Variants in VPS13D observed in about 807,000 individuals in gnomAD.
VPS13D encodes the protein intermembrane lipid transfer protein VPS13D.
In VPS13D, 187 loss-of-function variants were observed where a neutral mutation model predicts 461.9. That is an observed-to-expected ratio of 0.40 (90% CI 0.36 to 0.46). VPS13D has a LOEUF of 0.46. Among genes scored for constraint, VPS13D ranks in the 20% least tolerant of loss-of-function variants. The probability of loss-of-function intolerance (pLI) is 0.60; values close to 1 mark genes in which losing one functional copy is unlikely to be tolerated. For missense variants in VPS13D, 4,711 were observed against 5,364.9 expected (o/e 0.88, Z 3.81); for synonymous variants, 1,951 against 1,986.3 (o/e 0.98, Z 0.47).
chr1:12,244,145 C>G, intron 3 of VPS13D, 101 bp from the exon 4 acceptor site: 1 of 1,228,842 alleles, frequency 8.1e-7, no homozygotes, highest in Non-Finnish European at 1.1e-6. Flanking sequence ...AAAGTAGTAA[C>G]AGCAATCCAT....
intron 13 of VPS13D, among the ~76,000 whole-genome samples, chr1:12,263,882 T>G (rs1406099768): frequency 2.0e-5 from 3 of 152,220 alleles, no homozygotes; most frequent in African/African-American, 7.2e-5. Context: ...GCACACTTGA[T>G]TTTATTGCAC....
rs369358125 is a variant in VPS13D at position 12,349,198 on chromosome 1, T to C, written c.9255T>C (p.Asp3085=). The change falls in exon 46 of 70, where the codon GAT becomes GAC. Residue 3085 remains aspartate, a synonymous_variant. Transcript: ENST00000620676. ...PVVLPAIMPG[D]SFAVPLHLTS... ...TGCTTCCTGCTATCATGCCAGGGGATTCGTTTGCTGTGCCTTTACACCTCA... is the reference window on the plus strand; with the variant it reads ...TGCTTCCTGCTATCATGCCAGGGGACTCGTTTGCTGTGCCTTTACACCTCA... The C allele has an allele frequency of 1.2e-6, 2 of 1,613,960 alleles. No individual in the cohort carries two copies. The highest frequency in any genetic ancestry group is 2.7e-5 in the African/African-American group (2 of 74,936).
chr1:12,280,144 T>G (rs1376885539), intron 20 of VPS13D, among the ~76,000 whole-genome samples: 5 of 152,224 alleles, frequency 3.3e-5, no homozygotes, highest in Non-Finnish European at 7.3e-5. Context: ...TTCTTTTTTT[T>G]CCTTCAAAAG....
At chr1:12,281,539 G>A (rs921044518) in intron 20 of VPS13D, among the ~76,000 whole-genome samples, 2 of 152,130 alleles carry the variant, frequency 1.3e-5, no homozygotes, top group Non-Finnish European at 2.9e-5. Flanking sequence ...GACTGGATTC[G>A]GGTTTCTTTT....
rs149525258 is a variant in VPS13D at position 12,396,317 on chromosome 1, G to A, written c.11635-3864G>A. Among the ~76,000 whole-genome samples, 205 of 152,008 alleles carry A rather than the reference G, an allele frequency of 1.3e-3. 1 individual carries two copies. Among genetic ancestry groups the A allele is most frequent in the African/African-American group, 4.7e-3 (193 of 41,434 alleles). ...GACAAATTAAAATGCCACAGAGCTC[G>A]CTGTTCTCACTGAGTTTCAGCTTGT... On this transcript the variant is annotated intron_variant, in intron 60 of 69. Transcript: ENST00000620676.
chr1:12,338,115 G>T (rs976223790), intron 39 of VPS13D, 116 bp from the exon 40 acceptor site: 7 of 895,468 alleles, frequency 7.8e-6, no homozygotes, highest in South Asian at 2.8e-5. Context: ...CTCTGTACTT[G>T]CATGATGCTT....
rs149784933 is a variant in VPS13D, at chr1:12,277,431, G to A, written c.3843G>A (p.Glu1281=). The change falls in exon 19 of 70, where the codon GAG becomes GAA. Residue 1281 remains glutamate, a synonymous_variant. Coordinates refer to ENST00000620676, the MANE Select transcript of VPS13D (RefSeq NM_015378.4). Reference sequence around the variant, plus strand: ...CGTTTGTTGAGAGATCTAAACAGGAGTGTTTTCTCAACCTGAAGATGGCTT... The same window carrying A: ...CGTTTGTTGAGAGATCTAAACAGGAATGTTTTCTCAACCTGAAGATGGCTT... The part of the protein sequence containing the change: ...SFTFVERSKQ[E]CFLNLKMASL... The A allele has an allele frequency of 9.9e-6, 16 of 1,614,082 alleles. No homozygotes were observed. The Admixed American group carries it at 1.2e-4, about 12-fold the overall frequency.
At position 12,386,217 on chromosome 1, in the gene VPS13D, G is replaced by T. The variant is rs1414965540; in HGVS notation, c.11517G>T (p.Leu3839Phe). 1.9e-6 allele frequency: 3 copies of T among 1,613,246 alleles called. No individual in the cohort carries two copies. Among genetic ancestry groups the T allele is most frequent in the Non-Finnish European group, 1.7e-6 (2 of 1,179,690 alleles). ...TGAGGTTAGAAGGTGGAATTGGGTT[G>T]TCCTTAATTAATAAAGTCCCAGAAG... ...VLVRLEGGIG[L>F]SLINKVPEEL... is the part of the protein sequence containing the mutation. Residue 3839 changes from leucine to phenylalanine, a missense_variant, in exon 60 of 70, where the codon TTG (leucine) becomes TTT (phenylalanine). This residue lies in a region of VPS13D where 4,411 missense variants were observed against 4,937.8 expected (regional missense o/e 0.89). Transcript: ENST00000620676.
chr1:12,248,795 A>T (rs923293627), intron 5 of VPS13D, among the ~76,000 whole-genome samples: 1 of 152,212 alleles, frequency 6.6e-6, no homozygotes, highest in Non-Finnish European at 1.5e-5. Context: ...CAAGATGAAG[A>T]TATCAACAGA....
chr1:12,410,344 A>G (rs1041649154), intron 63 of VPS13D, among the ~76,000 whole-genome samples: 5 of 152,246 alleles, frequency 3.3e-5, no homozygotes, highest in African/African-American at 9.6e-5. Context: ...CATAAGGACT[A>G]AAACACACCA....
At chr1:12,433,917 G>GGAGAGAGAGAGAGGGAGAGAGAGAGAGA (rs1255837665) in intron 65 of VPS13D, among the ~76,000 whole-genome samples, 1 of 143,238 alleles carries the variant, frequency 7.0e-6, no homozygotes, top group Admixed American at 8.0e-5. Flanking sequence ...TAGGGGGTGG[G>GGAGAGAGAGAGAGGGAGAGAGAGAGAGA]GAGAGAGAGA....
rs1640480264 is a variant in VPS13D at position 12,244,468 on chromosome 1, A to G, written c.366+32A>G. ...CAGAGATCTTCTGGGCCATAAGAGC[A>G]GTTGTGGTGACACGTGTAAGATGAG... On this transcript the variant is annotated intron_variant, in intron 4 of 69. Coordinates refer to ENST00000620676, the MANE Select transcript of VPS13D (RefSeq NM_015378.4). 3 of 1,613,950 alleles carry G rather than the reference A, an allele frequency of 1.9e-6. No individual in the cohort carries two copies. In the African/African-American group the frequency reaches 4.0e-5, roughly 22 times the overall value.
chr1:12,354,576 T>C (rs1034832413), intron 47 of VPS13D, among the ~76,000 whole-genome samples: 4 of 152,178 alleles, frequency 2.6e-5, no homozygotes, highest in South Asian at 2.1e-4. Flanking sequence ...AAAAAACTTA[T>C]CAAGCCGAAA....
At position 12,390,793 on chromosome 1, in the gene VPS13D, A is replaced by G. The variant is rs529061155; in HGVS notation, c.11634+4459A>G. 2.6e-5 allele frequency among the ~76,000 whole-genome samples: 4 copies of G among 152,290 alleles called. No homozygotes were observed. The South Asian group carries it at 6.2e-4, about 24-fold the overall frequency. On this transcript the variant is annotated intron_variant, in intron 60 of 69. Transcript: ENST00000620676. Reference sequence around the variant, plus strand: ...GGGCAGCCTTGGGGAGTGGAAGTCCATGTTGCTGAGCCCATGCATAACCTC... The same window carrying G: ...GGGCAGCCTTGGGGAGTGGAAGTCCGTGTTGCTGAGCCCATGCATAACCTC...
At chr1:12,355,552 GTTA>G (rs1557729102) in intron 47 of VPS13D, among the ~76,000 whole-genome samples, 2 of 152,146 alleles carry the variant, frequency 1.3e-5, no homozygotes, top group African/African-American at 4.8e-5. Flanking sequence ...AATATGTACA[GTTA>G]TTATTATGTG....
rs201760380 is a variant in VPS13D at position 12,476,703 on chromosome 1, A to AT, written c.12662+16311dup. On this transcript the variant is annotated intron_variant, in intron 67 of 69. Coordinates refer to ENST00000620676, the MANE Select transcript of VPS13D (RefSeq NM_015378.4). ...CTTAAGTGGTTCTCTATAACACTAT[A>AT]TTTTAAACAAACCAGAACAAATAGT... Among the ~76,000 whole-genome samples, 10 of 152,306 alleles carry AT rather than the reference A, an allele frequency of 6.6e-5. No homozygotes were observed. In the East Asian group the frequency reaches 1.9e-3, roughly 29 times the overall value.
chr1:12,356,294 A>G (rs1274110445), intron 48 of VPS13D, 104 bp from the exon 49 acceptor site: 1 of 1,452,254 alleles, frequency 6.9e-7, no homozygotes. Flanking sequence ...AAATAGATTC[A>G]GTTTTCACTC....
intron 20 of VPS13D, 45 bp from the exon 21 acceptor site, chr1:12,282,660 G>A: frequency 6.5e-7 from 1 of 1,533,448 alleles, no homozygotes; most frequent in South Asian, 1.2e-5. Flanking sequence ...ACATCTACGT[G>A]CATTTAATAA....
Position 12,460,253 on chromosome 1 carries a change from A to G in VPS13D, c.12519A>G (p.Lys4173=). 6.2e-7 allele frequency: 1 copy of G among 1,611,036 alleles called. No individual in the cohort carries two copies. Among genetic ancestry groups the G allele is most frequent in the Non-Finnish European group, 8.5e-7 (1 of 1,178,574 alleles). ...TAACTTCGACAGTGGAAGGTGTGAA[A>G]ACAGAAGGGGGTGTCAGCGGTTTCA... is the stretch of plus-strand genomic sequence containing the variant. ...SVITSTVEGV[K]TEGGVSGFIS... The change falls in exon 67 of 70, where the codon AAA becomes AAG. Residue 4173 remains lysine, a synonymous_variant. Coordinates refer to ENST00000620676, the MANE Select transcript of VPS13D (RefSeq NM_015378.4).
Sources: allele counts gnomAD v4.1 joint callset (sites outside exome capture counted in the v4.1 genomes callset), GRCh38; gene constraint gnomAD v4.1.1; regional missense constraint gnomAD v4.1.1; transcripts MANE v1.5; gene names NCBI Gene and HGNC (gene_info 2026-07-23, HGNC 2026-07-21).